Variants in CTTN observed in about 807,000 individuals in gnomAD.
CTTN encodes cortactin, also known as src substrate cortactin.
In CTTN, 28 loss-of-function variants were observed where a neutral mutation model predicts 84.0. That is an observed-to-expected ratio of 0.33 (90% CI 0.25 to 0.46). The LOEUF is 0.46. Ranked by LOEUF, CTTN falls within the 20% of genes least tolerant of loss-of-function variation. The probability of loss-of-function intolerance (pLI) is 1.00; values close to 1 mark genes in which losing one functional copy is unlikely to be tolerated. For synonymous variants in CTTN, 301 were observed against 288.8 expected (o/e 1.04, Z -0.43); for missense variants, 641 against 723.8 (o/e 0.89, Z 1.31).
intron 7 of CTTN, 200 bp from the exon 8 acceptor site, chr11:70,416,813 C>T: frequency 1.8e-6 from 1 of 559,824 alleles, no homozygotes; most frequent in Non-Finnish European, 3.2e-6. Context: ...TGACAGGGCC[C>T]AGAACCCCCC....
At chr11:70,430,143 A>G (rs893296525) in intron 14 of CTTN, among the ~76,000 whole-genome samples, 1 of 152,220 alleles carries the variant, frequency 6.6e-6, no homozygotes, top group African/African-American at 2.4e-5. Flanking sequence ...ACAAGACAGC[A>G]CTACCATTGT....
rs1009660422 is a variant in CTTN, at chr11:70,432,543, C to G, written c.1267-558C>G. On this transcript the variant is annotated intron_variant, in intron 15 of 17. Transcript: ENST00000301843. ...GCAGTTCAGAATTTTCGCTGGGGCT[C>G]CGAAGCGGCAGTGGTTATAGATAGA... Among the ~76,000 whole-genome samples the G allele has an allele frequency of 2.6e-5, 4 of 152,222 alleles. No homozygotes were observed. The South Asian group carries it at 8.3e-4, about 31-fold the overall frequency.
intron 13 of CTTN, among the ~76,000 whole-genome samples, chr11:70,428,153 C>CTT (rs60189081): frequency 3.2e-4 from 20 of 62,616 alleles, no homozygotes; most frequent in East Asian, 1.2e-3. Flanking sequence ...TGTCTTCCCA[C>CTT]TTTTTTTTTT....
In CTTN at chr11:70,433,154, G is replaced by A. The variant is rs202171066; in HGVS notation, c.1320G>A (p.Thr440=). 88 of 1,613,700 alleles carry A rather than the reference G, an allele frequency of 5.5e-5. No homozygotes were observed. The highest frequency in any genetic ancestry group is 1.6e-4 in the Middle Eastern group (1 of 6,084). The part of the protein sequence containing the change: ...ELSYRGPVSG[T]EPEPVYSMEA... Reference sequence around the variant, plus strand: ...GCTACAGAGGCCCTGTGAGTGGGACGGAGCCGGAGCCCGTGTACAGCATGG... The same window carrying A: ...GCTACAGAGGCCCTGTGAGTGGGACAGAGCCGGAGCCCGTGTACAGCATGG... The change falls in exon 16 of 18, where the codon ACG becomes ACA. Residue 440 remains threonine, a synonymous_variant. Transcript: ENST00000301843.
intron 5 of CTTN, among the ~76,000 whole-genome samples, chr11:70,410,855 A>G (rs1018090813): frequency 6.6e-6 from 1 of 152,144 alleles, no homozygotes; most frequent in East Asian, 1.9e-4. Flanking sequence ...CTCATGCACC[A>G]GCCAGATGAA....
chr11:70,414,980 A>T (rs2058141013), intron 6 of CTTN, among the ~76,000 whole-genome samples: 1 of 152,218 alleles, frequency 6.6e-6, no homozygotes, highest in Non-Finnish European at 1.5e-5. Flanking sequence ...ACAGAGTGAC[A>T]TCAGAGCCTA....
At chr11:70,426,618 T>C (rs1024345901) in intron 13 of CTTN, among the ~76,000 whole-genome samples, 1 of 150,936 alleles carries the variant, frequency 6.6e-6, no homozygotes, top group Non-Finnish European at 1.5e-5. Flanking sequence ...AGTATCACTT[T>C]GTCGCCCAGG....
At chr11:70,432,307 C>T (rs1036414019) in intron 15 of CTTN, among the ~76,000 whole-genome samples, 2 of 152,192 alleles carry the variant, frequency 1.3e-5, no homozygotes, top group African/African-American at 4.8e-5. Context: ...TGCAGTTCAG[C>T]CCTTGTGTGG....
chr11:70,409,744 T>C (rs1234711619), intron 4 of CTTN, 87 bp from the exon 5 acceptor site: 6 of 1,388,758 alleles, frequency 4.3e-6, no homozygotes, highest in African/African-American at 1.4e-5. Flanking sequence ...ACAAAGATAA[T>C]GTCACCTGTT....
At chr11:70,429,022 G>A (rs1172528651) in intron 13 of CTTN, 29 bp from the exon 14 acceptor site, 2 of 1,613,374 alleles carry the variant, frequency 1.2e-6, no homozygotes, top group Non-Finnish European at 1.7e-6. Context: ...CTGTGCTCAA[G>A]GCACACGTCC....
intron 1 of CTTN, among the ~76,000 whole-genome samples, chr11:70,402,201 C>G (rs190104444): frequency 6.6e-6 from 1 of 152,260 alleles, no homozygotes; most frequent in Non-Finnish European, 1.5e-5. Flanking sequence ...TCTGTCTAGA[C>G]AGCAAGATTA....
chr11:70,415,086 C>T (rs745885534), intron 6 of CTTN, among the ~76,000 whole-genome samples: 2 of 152,132 alleles, frequency 1.3e-5, no homozygotes, highest in Admixed American at 6.5e-5. Context: ...TGATTCTCTT[C>T]GGCTCGGGTC....
intron 13 of CTTN, among the ~76,000 whole-genome samples, chr11:70,428,242 T>G (rs2135591497): frequency 7.3e-6 from 1 of 137,620 alleles, no homozygotes; most frequent in African/African-American, 2.7e-5. Flanking sequence ...CTCGGCTCAC[T>G]GCAACCCCTG....
Position 70,409,681 on chromosome 11 carries a change from G to A in CTTN, c.162-150G>A, listed in dbSNP as rs1180419577. On this transcript the variant is annotated intron_variant, in intron 4 of 17. Coordinates refer to ENST00000301843, the MANE Select transcript of CTTN (RefSeq NM_005231.4). ...ACCAGCCGGCAGAATAGTCAGGAAG[G>A]CACAGTGCAGGGAGAGAATCGGTGA... 15 of 853,678 alleles carry A rather than the reference G, an allele frequency of 1.8e-5. No homozygotes were observed. The East Asian group carries it at 3.1e-4, about 17-fold the overall frequency. The allele number at this position is 853,678 out of a possible 1,614,324, so 52.9% of individuals were successfully genotyped here. A position where few individuals can be genotyped will look rare whatever the true frequency, so the allele number is the denominator to read the frequency against.
intron 4 of CTTN, among the ~76,000 whole-genome samples, chr11:70,409,620 C>T (rs1312662188): frequency 6.6e-6 from 1 of 152,232 alleles, no homozygotes; most frequent in Admixed American, 6.5e-5. Flanking sequence ...TCCCACAGAG[C>T]ATGCGTCTGA....
Position 70,415,669 on chromosome 11 carries a change from G to C in CTTN, c.409G>C (p.Val137Leu). 6.2e-7 allele frequency: 1 copy of C among 1,614,124 alleles called. No individual in the cohort carries two copies. Among genetic ancestry groups the C allele is most frequent in the Non-Finnish European group, 8.5e-7 (1 of 1,179,936 alleles). Residue 137 changes from valine (V) to leucine (L), a missense_variant, in exon 7 of 18, where the codon GTA becomes CTA. Physicochemically the swap from Val to Leu is conservative, Grantham distance 32. Transcript: ENST00000301843. ...GTGTTTTTGGTCGTCACAGTCTGCT[G>C]TAGGCTTTGAATACCAGGGGAAGAC... is the stretch of plus-strand genomic sequence containing the variant. ...VQMDRVDQSAVGFEYQGKTEK... is the reference protein window; with the variant it reads ...VQMDRVDQSALGFEYQGKTEK...
intron 14 of CTTN, among the ~76,000 whole-genome samples, chr11:70,430,287 G>A (rs150305724): frequency 2.6e-5 from 4 of 152,352 alleles, no homozygotes; most frequent in Non-Finnish European, 4.4e-5. Flanking sequence ...CAGACTCAGC[G>A]TCTGGCACTG....
chr11:70,428,686 C>T (rs1032854178), intron 13 of CTTN, among the ~76,000 whole-genome samples: 4 of 152,200 alleles, frequency 2.6e-5, no homozygotes, highest in South Asian at 2.1e-4. Context: ...ACTCAGTATA[C>T]GTCAATTACA....
At chr11:70,415,416 G>C (rs1365939518) in intron 6 of CTTN, among the ~76,000 whole-genome samples, 1 of 152,212 alleles carries the variant, frequency 6.6e-6, no homozygotes, top group Non-Finnish European at 1.5e-5. Flanking sequence ...GCCGCATGCT[G>C]GGGAGGGCAG....
Sources: gnomAD v4.1 joint callset for allele counts (sites outside exome capture counted in the v4.1 genomes callset) on GRCh38, gnomAD v4.1.1 for gene constraint, MANE v1.5 for transcripts, NCBI Gene and HGNC (gene_info 2026-07-23, HGNC 2026-07-21) for gene names.